Variants in PCDHGA11 observed in about 807,000 individuals in gnomAD.
PCDHGA11 encodes protocadherin gamma-A11.
Under a neutral mutation model 60.4 loss-of-function variants are expected in PCDHGA11, and 39 were observed. That is an observed-to-expected ratio of 0.65 (90% CI 0.50 to 0.84). The LOEUF (loss-of-function observed/expected upper bound fraction) is 0.84. PCDHGA11 is among the 40% of genes least tolerant of loss of function. The pLI, the probability that PCDHGA11 is intolerant of heterozygous loss-of-function variation, is 0.00. For synonymous variants in PCDHGA11, 533 were observed against 510.3 expected (o/e 1.04, Z -0.60); for missense variants, 1,165 against 1,197.7 (o/e 0.97, Z 0.40).
chr5:141,421,750 C>A lies in PCDHGA11; in HGVS notation c.523C>A (p.Pro175Thr), dbSNP rs766529731. Residue 175 changes from proline (P) to threonine (T), a missense_variant, in exon 1 of 4, where the codon CCT (proline) becomes ACT (threonine). Coordinates refer to ENST00000398587, the MANE Select transcript of PCDHGA11 (RefSeq NM_018914.3). ...CTCCCTCCAGAGCTACCAGCTCAGC[C>A]CTAATAATTACTTTTCCTTGCAACT... ...VNSLQSYQLS[P>T]NNYFSLQLRG... 4.3e-6 allele frequency: 7 copies of A among 1,613,788 alleles called. No individual in the cohort carries two copies. Among genetic ancestry groups the A allele is most frequent in the Non-Finnish European group, 5.9e-6 (7 of 1,179,864 alleles).
Position 141,422,641 on chromosome 5 carries a change from A to G in PCDHGA11, c.1414A>G (p.Ile472Val), listed in dbSNP as rs557969590. The change falls in exon 1 of 4, where the codon ATC (isoleucine) becomes GTC (valine). Residue 472 changes from isoleucine (I) to valine (V), a missense_variant. Coordinates refer to ENST00000398587, the MANE Select transcript of PCDHGA11 (RefSeq NM_018914.3). ...IPENNPRGAS[I>V]FSVTALDPDS... ...CGAAAACAACCCCAGGGGTGCCTCCATCTTCTCAGTGACCGCCCTCGACCC... is the reference window on the plus strand; with the variant it reads ...CGAAAACAACCCCAGGGGTGCCTCCGTCTTCTCAGTGACCGCCCTCGACCC... 2 of 1,612,356 alleles carry G rather than the reference A, an allele frequency of 1.2e-6. No individual in the cohort carries two copies. The highest frequency in any genetic ancestry group is 1.7e-5 in the Admixed American group (1 of 59,848).
Position 141,490,920 on chromosome 5 carries a change from T to A in PCDHGA11, c.2434-3887T>A. 1.2e-6 allele frequency: 2 copies of A among 1,613,638 alleles called. No homozygotes were observed. The highest frequency in any genetic ancestry group is 1.7e-6 in the Non-Finnish European group (2 of 1,179,684). The stretch of plus-strand genomic sequence containing the variant: ...TGTTTGTCCTAGACGAGAATGATAA[T>A]GCCCCAGCTGTGCTGCACCCACGGC... On this transcript the variant is annotated intron_variant, in intron 1 of 3. Coordinates refer to ENST00000398587, the MANE Select transcript of PCDHGA11 (RefSeq NM_018914.3). This position sits in a 1 kb window ranked among gnomAD's most constrained non-coding sequence, Gnocchi z 5.4.
chr5:141,473,374 G>A (rs1437989884), intron 1 of PCDHGA11, among the ~76,000 whole-genome samples: 1 of 152,204 alleles, frequency 6.6e-6, no homozygotes, highest in African/African-American at 2.4e-5. Context: ...AAATAGCATG[G>A]TCCCTGCCCT....
chr5:141,443,308 C>T (rs1484035480), intron 1 of PCDHGA11, among the ~76,000 whole-genome samples: 7 of 136,252 alleles, frequency 5.1e-5, no homozygotes, highest in African/African-American at 2.2e-4. Context: ...TGGCAAAAAC[C>T]CATCTCTACA....
chr5:141,445,252 A>G (rs2098461096), intron 1 of PCDHGA11, among the ~76,000 whole-genome samples: 1 of 152,224 alleles, frequency 6.6e-6, no homozygotes, highest in Non-Finnish European at 1.5e-5. Context: ...ATATTGTGTG[A>G]GAATATAAGT....
In PCDHGA11 at chr5:141,487,000, G is replaced by T. The variant is rs1410493699; in HGVS notation, c.2434-7807G>T. 2 of 1,614,076 alleles carry T rather than the reference G, an allele frequency of 1.2e-6. No homozygotes were observed. Among genetic ancestry groups the T allele is most frequent in the Non-Finnish European group, 1.7e-6 (2 of 1,180,044 alleles). On this transcript the variant is annotated intron_variant, in intron 1 of 3. Coordinates refer to ENST00000398587, the MANE Select transcript of PCDHGA11 (RefSeq NM_018914.3). The surrounding 1 kb of genome is among the most constrained non-coding windows in gnomAD (Gnocchi z 5.0). Reference sequence around the variant, plus strand: ...GTTACAATGCTTGGGTTTCCTATCAGCTCCTGGAGGCCCCAGATCCCAGCC... The same window carrying T: ...GTTACAATGCTTGGGTTTCCTATCATCTCCTGGAGGCCCCAGATCCCAGCC...
chr5:141,478,121 G>T lies in PCDHGA11; in HGVS notation c.2434-16686G>T. On this transcript the variant is annotated intron_variant, in intron 1 of 3. Coordinates refer to ENST00000398587, the MANE Select transcript of PCDHGA11 (RefSeq NM_018914.3). ...TACCCTCACTGTGTCAGTAACCGAG[G>T]ACTCTCCTGAAGCCCGAGCCGAGTT... 2.5e-6 allele frequency: 4 copies of T among 1,614,036 alleles called. No individual in the cohort carries two copies. In the African/African-American group the frequency reaches 4.0e-5, roughly 16 times the overall value.
Position 141,432,928 on chromosome 5 carries a change from C to T in PCDHGA11, c.2433+9268C>T, listed in dbSNP as rs1443097611. ...GGCTGCGGCGCTGGCACAAGTCACG[C>T]CTGCTGCAGGCTTCAGGAGGCGGCT... On this transcript the variant is annotated intron_variant, in intron 1 of 3. Transcript: ENST00000398587. This position sits in a 1 kb window ranked among gnomAD's most constrained non-coding sequence, Gnocchi z 6.0. 1.2e-6 allele frequency: 2 copies of T among 1,614,066 alleles called. No homozygotes were observed. Among genetic ancestry groups the T allele is most frequent in the African/African-American group, 1.3e-5 (1 of 74,942 alleles).
Position 141,431,794 on chromosome 5 carries a change from A to C in PCDHGA11, c.2433+8134A>C. On this transcript the variant is annotated intron_variant, in intron 1 of 3. Coordinates refer to ENST00000398587, the MANE Select transcript of PCDHGA11 (RefSeq NM_018914.3). The surrounding 1 kb of genome is among the most constrained non-coding windows in gnomAD (Gnocchi z 4.8). ...TTCTGGACGTGAACGACAATGCCCC[A>C]GAAGTGGTCCTCACCTCTCTCGCCA... 1 of 1,614,260 alleles carries C rather than the reference A, an allele frequency of 6.2e-7. No individual in the cohort carries two copies. Among genetic ancestry groups the C allele is most frequent in the Non-Finnish European group, 8.5e-7 (1 of 1,180,046 alleles).
intron 1 of PCDHGA11, chr5:141,430,780 C>G: frequency 6.6e-7 from 1 of 1,511,476 alleles, no homozygotes; most frequent in Non-Finnish European, 8.8e-7. Context: ...CGCGACTGCA[C>G]CGGGACTACA....
chr5:141,421,997 G>A lies in PCDHGA11; in HGVS notation c.770G>A (p.Ser257Asn). The A allele has an allele frequency of 6.2e-7, 1 of 1,609,178 alleles. No homozygotes were observed. The change falls in exon 1 of 4, where the codon AGC (serine) becomes AAC (asparagine). Residue 257 changes from serine to asparagine, a missense_variant. Physicochemically the swap from Ser to Asn is conservative, Grantham distance 46 (BLOSUM62 1). Transcript: ENST00000398587. ...VYRVSVPENI[S>N]SGTRVLMVNA... is the part of the protein sequence containing the mutation. Reference sequence around the variant, plus strand: ...CGCGTGAGTGTTCCAGAAAACATCAGCTCCGGAACTCGGGTGCTGATGGTT... The same window carrying A: ...CGCGTGAGTGTTCCAGAAAACATCAACTCCGGAACTCGGGTGCTGATGGTT...
intron 2 of PCDHGA11, among the ~76,000 whole-genome samples, chr5:141,499,689 CTTTTTT>C (rs545067566): frequency 3.3e-5 from 4 of 119,854 alleles, no homozygotes; most frequent in Admixed American, 8.7e-5. Flanking sequence ...TAACAGATGA[CTTTTTT>C]TTTTTTTTTT....
rs769354611 is a variant in PCDHGA11, at chr5:141,421,442, A to G, written c.215A>G (p.Lys72Arg). ...GGAGTCCGCATCGTCTCCAGAGGGA[A>G]GACACAGCTTTTCGCTGTGAATCCG... ...KRGVRIVSRG[K>R]TQLFAVNPRS... The change falls in exon 1 of 4, where the codon AAG (lysine) becomes AGG (arginine). Residue 72 changes from lysine to arginine, a missense_variant. Lys to Arg is a conservative substitution (Grantham distance 26). Transcript: ENST00000398587. The G allele has an allele frequency of 1.7e-5, 27 of 1,613,990 alleles. No individual in the cohort carries two copies. Among genetic ancestry groups the G allele is most frequent in the Non-Finnish European group, 2.2e-5 (26 of 1,179,938 alleles).
At chr5:141,500,222 T>TGA (rs1355843194) in intron 2 of PCDHGA11, among the ~76,000 whole-genome samples, 1 of 146,758 alleles carries the variant, frequency 6.8e-6, no homozygotes, top group Non-Finnish European at 1.5e-5. Flanking sequence ...ATTTATTTAT[T>TGA]TATTGATACG....
chr5:141,481,151 G>A (rs1326614212), intron 1 of PCDHGA11, among the ~76,000 whole-genome samples: 1 of 152,198 alleles, frequency 6.6e-6, no homozygotes, highest in African/African-American at 2.4e-5. Context: ...TGTTATTCTG[G>A]TATTTGCAGA....
At chr5:141,510,695 C>T (rs1023505006) in intron 3 of PCDHGA11, among the ~76,000 whole-genome samples, 1 of 152,166 alleles carries the variant, frequency 6.6e-6, no homozygotes, top group Non-Finnish European at 1.5e-5. Context: ...GTTAGGTAGA[C>T]TTGCCCAGGA....
intron 1 of PCDHGA11, among the ~76,000 whole-genome samples, chr5:141,473,390 A>T (rs554428702): frequency 1.3e-5 from 2 of 152,190 alleles, no homozygotes; most frequent in Non-Finnish European, 2.9e-5. Flanking sequence ...GCCCTCCTGG[A>T]GCTTCTTTTT....
chr5:141,483,756 G>C (rs11739909), intron 1 of PCDHGA11, among the ~76,000 whole-genome samples: 24,641 of 152,020 alleles, frequency 0.16, 2,128 homozygotes, highest in African/African-American at 0.22. Context: ...GAGGATCGAG[G>C]CTTGGAAAAA....
chr5:141,421,487 C>G lies in PCDHGA11; in HGVS notation c.260C>G (p.Thr87Arg), dbSNP rs1447180364. 2 of 1,614,094 alleles carry G rather than the reference C, an allele frequency of 1.2e-6. No individual in the cohort carries two copies. Among genetic ancestry groups the G allele is most frequent in the Non-Finnish European group, 1.7e-6 (2 of 1,179,932 alleles). ...AATCCGCGAAGCGGCAGCTTGATCA[C>G]GGCAGGCAGGATAGACCGGGAGGAG... ...AVNPRSGSLITAGRIDREELC... is the reference protein window; with the variant it reads ...AVNPRSGSLIRAGRIDREELC... Residue 87 changes from threonine to arginine, a missense_variant, in exon 1 of 4, where the codon ACG becomes AGG. Physicochemically the swap from Thr to Arg is moderately conservative, Grantham distance 71 (BLOSUM62 -1). Coordinates refer to ENST00000398587, the MANE Select transcript of PCDHGA11 (RefSeq NM_018914.3).
Sources: allele counts gnomAD v4.1 joint callset (sites outside exome capture counted in the v4.1 genomes callset), GRCh38; gene constraint gnomAD v4.1.1; non-coding constraint Gnocchi (gnomAD v3.1); transcripts MANE v1.5; gene names NCBI Gene and HGNC (gene_info 2026-07-23, HGNC 2026-07-21).